Variants in COG4 observed in about 807,000 individuals in gnomAD.
COG4 encodes conserved oligomeric Golgi complex subunit 4.
Under a neutral mutation model 95.1 loss-of-function variants are expected in COG4, and 65 were observed. The observed-to-expected ratio is 0.68, with a 90% CI of 0.56 to 0.84. The LOEUF is 0.84. Among genes scored for constraint, COG4 ranks in the 40% least tolerant of loss-of-function variants. COG4 has a pLI of 0.00. For synonymous variants in COG4, 421 were observed against 374.8 expected, an observed-to-expected ratio of 1.12 and a Z score of -1.42; for missense variants, 1,045 against 989.1, an observed-to-expected ratio of 1.06 and a Z score of -0.76.
rs113440402 is a variant in COG4, at chr16:70,519,363, A to G, written c.254+286T>C. Among the ~76,000 whole-genome samples the G allele has an allele frequency of 3.0e-5, 4 of 131,972 alleles. 1 individual carries two copies. Among genetic ancestry groups the G allele is most frequent in the Admixed American group, 2.2e-4 (3 of 13,350 alleles). The allele number at this position is 131,972 out of a possible 152,430, so 86.6% of individuals were successfully genotyped here. A position where few individuals can be genotyped will look rare whatever the true frequency, so the allele number is the denominator to read the frequency against. ...AGGATGGTCTCGATCTCCTGACCTCATGATCCGCCCGCCTCGGCCTCCCAA... is the reference window on the plus strand; with the variant it reads ...AGGATGGTCTCGATCTCCTGACCTCGTGATCCGCCCGCCTCGGCCTCCCAA... On this transcript the variant is annotated intron_variant, in intron 2 of 18. Coordinates refer to ENST00000323786, the MANE Select transcript of COG4 (RefSeq NM_015386.3).
At chr16:70,513,997 C>G (rs1331979202) in intron 4 of COG4, among the ~76,000 whole-genome samples, 1 of 152,124 alleles carries the variant, frequency 6.6e-6, no homozygotes, top group Non-Finnish European at 1.5e-5. Context: ...CACCAGAGAT[C>G]AGGAGTTCAA....
At chr16:70,485,070 T>C (rs2049099004) in intron 13 of COG4, among the ~76,000 whole-genome samples, 1 of 152,094 alleles carries the variant, frequency 6.6e-6, no homozygotes, top group Non-Finnish European at 1.5e-5. Flanking sequence ...TTCAAAGCCA[T>C]GGCAATAAGT....
chr16:70,482,116 C>T lies in COG4; in HGVS notation c.1980G>A (p.Leu660=), dbSNP rs2049010150. 1.2e-6 allele frequency: 2 copies of T among 1,613,990 alleles called. No homozygotes were observed. The highest frequency in any genetic ancestry group is 2.2e-5 in the East Asian group (1 of 44,888). The part of the protein sequence containing the change: ...DPWVQQFILN[L]EQQMAEFKAS... The stretch of plus-strand genomic sequence containing the variant: ...CCTTGAACTCTGCCATTTGCTGCTC[C>T]AGGTTAAGGATGAACTGTTGTACCC... Residue 660 remains leucine, a synonymous_variant, in exon 16 of 19, where the codon CTG becomes CTA. Transcript: ENST00000323786.
intron 10 of COG4, 126 bp downstream of exon 10, chr16:70,497,811 A>G: frequency 1.3e-6 from 1 of 777,676 alleles, no homozygotes; most frequent in South Asian, 1.4e-5. Context: ...AAGTGGTACC[A>G]CTCAATCTGC....
chr16:70,481,493 G>A lies in COG4; in HGVS notation c.2107-6C>T. The A allele has an allele frequency of 6.2e-7, 1 of 1,611,272 alleles. No homozygotes were observed. Among genetic ancestry groups the A allele is most frequent in the Non-Finnish European group, 8.5e-7 (1 of 1,179,984 alleles). On this transcript the variant is annotated splice_polypyrimidine_tract_variant and splice_region_variant and intron_variant, in intron 17 of 18. Coordinates refer to ENST00000323786, the MANE Select transcript of COG4 (RefSeq NM_015386.3). ...TCAAACTGCAGACCACCCAGCTGCA[G>A]GAGAACCCAAGCCCAGTCACTACTT...
At chr16:70,481,514 T>G (rs748692342) in intron 17 of COG4, 27 bp from the exon 18 acceptor site, 2 of 1,610,152 alleles carry the variant, frequency 1.2e-6, no homozygotes, top group East Asian at 4.5e-5. Context: ...GCCCAGTCAC[T>G]ACTTAGGCCT....
At chr16:70,496,811 A>G (rs1200341186) in intron 11 of COG4, among the ~76,000 whole-genome samples, 1 of 152,186 alleles carries the variant, frequency 6.6e-6, no homozygotes, top group African/African-American at 2.4e-5. Flanking sequence ...ATCTTTGACG[A>G]GGACGGAATC....
intron 6 of COG4, among the ~76,000 whole-genome samples, chr16:70,509,695 G>A (rs552740254): frequency 9.7e-4 from 148 of 152,326 alleles, no homozygotes; most frequent in African/African-American, 3.4e-3. Context: ...TTCGTACAGA[G>A]TTTGGGGTTT....
At position 70,505,033 on chromosome 16, in the gene COG4, T is replaced by C. The variant is rs538539404; in HGVS notation, c.1061+3373A>G. 9.2e-5 allele frequency among the ~76,000 whole-genome samples: 14 copies of C among 152,292 alleles called. No individual in the cohort carries two copies. The South Asian group carries it at 2.9e-3, about 32-fold the overall frequency. On this transcript the variant is annotated intron_variant, in intron 8 of 18. Transcript: ENST00000323786. Reference sequence around the variant, plus strand: ...TCTGGCATACAGTTGACATTACATATGTATTAGCTATTGCTATTATCTACT... The same window carrying C: ...TCTGGCATACAGTTGACATTACATACGTATTAGCTATTGCTATTATCTACT...
At chr16:70,508,663 C>T (rs2049631337) in intron 7 of COG4, 199 bp from the exon 8 acceptor site, 1 of 681,548 alleles carries the variant, frequency 1.5e-6, no homozygotes, top group South Asian at 1.5e-5. Flanking sequence ...TAATAATACT[C>T]ACCTCTATTA....
intron 2 of COG4, among the ~76,000 whole-genome samples, chr16:70,519,069 C>G (rs1383464188): frequency 3.3e-5 from 5 of 151,658 alleles, no homozygotes; most frequent in South Asian, 4.1e-4. Context: ...GACCCCACCC[C>G]TAGACTTTCT....
intron 12 of COG4, among the ~76,000 whole-genome samples, chr16:70,491,182 C>G (rs999819546): frequency 8.5e-5 from 13 of 152,094 alleles, no homozygotes; most frequent in African/African-American, 3.1e-4. Flanking sequence ...CACGTATTAT[C>G]AAGCCCAGTG....
chr16:70,485,639 G>C (rs1433506234), intron 13 of COG4, among the ~76,000 whole-genome samples: 1 of 148,156 alleles, frequency 6.7e-6, no homozygotes, highest in Non-Finnish European at 1.5e-5. Context: ...AGGCTGGAGT[G>C]CAACGACATG....
rs2049335518 is a variant in COG4, at chr16:70,496,212, T to C, written c.1647+54A>G. On this transcript the variant is annotated intron_variant, in intron 12 of 18. Coordinates refer to ENST00000323786, the MANE Select transcript of COG4 (RefSeq NM_015386.3). ...CAATTATACTGTGGCTTAGCAGTGA[T>C]AGCGTAACCTCTCGAGATAAACCAA... 5 of 1,593,124 alleles carry C rather than the reference T, an allele frequency of 3.1e-6. 1 individual carries two copies. The highest frequency in any genetic ancestry group is 4.3e-6 in the Non-Finnish European group (5 of 1,161,374).
chr16:70,515,015 T>C (rs916829505), intron 3 of COG4, among the ~76,000 whole-genome samples: 1 of 147,698 alleles, frequency 6.8e-6, no homozygotes, highest in African/African-American at 2.5e-5. Context: ...AGCCCAACTT[T>C]TTTTTTTTTT....
intron 3 of COG4, among the ~76,000 whole-genome samples, chr16:70,515,504 T>C (rs931004718): frequency 4.0e-5 from 6 of 151,880 alleles, no homozygotes; most frequent in African/African-American, 1.5e-4. Context: ...ACCAACATGG[T>C]GAAACCCCAT....
chr16:70,492,440 C>G (rs2049263117), intron 12 of COG4, among the ~76,000 whole-genome samples: 1 of 152,030 alleles, frequency 6.6e-6, no homozygotes, highest in Non-Finnish European at 1.5e-5. Flanking sequence ...GGGCAGATCA[C>G]CTGAGGTTGG....
chr16:70,486,328 GT>G (rs1435215917), intron 13 of COG4, among the ~76,000 whole-genome samples: 2 of 152,182 alleles, frequency 1.3e-5, no homozygotes, highest in Non-Finnish European at 2.9e-5. Flanking sequence ...AGTTCATGCT[GT>G]TTTGGCTCCA....
rs534572581 is a variant in COG4 at position 70,503,841 on chromosome 16, G to A, written c.1062-2750C>T. On this transcript the variant is annotated intron_variant, in intron 8 of 18. Transcript: ENST00000323786. ...GATCTCCTGACCTCGTGATCCGCCCGCCTCGGCCTCCCAAAGTGCTGGGAT... is the reference window on the plus strand; with the variant it reads ...GATCTCCTGACCTCGTGATCCGCCCACCTCGGCCTCCCAAAGTGCTGGGAT... 1.1e-4 allele frequency among the ~76,000 whole-genome samples: 14 copies of A among 122,656 alleles called. 1 individual carries two copies. Among genetic ancestry groups the A allele is most frequent in the South Asian group, 6.3e-4 (3 of 4,784 alleles). The allele number at this position is 122,656 out of a possible 152,430, so 80.5% of individuals were successfully genotyped here. A position where few individuals can be genotyped will look rare whatever the true frequency, so the allele number is the denominator to read the frequency against.
Sources: gnomAD v4.1 joint callset for allele counts (sites outside exome capture counted in the v4.1 genomes callset) on GRCh38, gnomAD v4.1.1 for gene constraint, MANE v1.5 for transcripts, NCBI Gene and HGNC (gene_info 2026-07-23, HGNC 2026-07-21) for gene names.